Variants in SGIP1 observed in about 807,000 individuals in gnomAD.
SGIP1 encodes SH3-containing GRB2-like protein 3-interacting protein 1.
Under a neutral mutation model 107.5 loss-of-function variants are expected in SGIP1, and 38 were observed. The ratio of observed to expected loss-of-function variants is 0.35; its 90% CI spans 0.27 to 0.46. SGIP1 has a LOEUF of 0.46. Ranked by LOEUF, SGIP1 falls within the 20% of genes least tolerant of loss-of-function variation. SGIP1 has a pLI of 1.00. For synonymous variants in SGIP1, 365 were observed against 366.1 expected (o/e 1.00, Z 0.03); for missense variants, 929 against 1,019.5 (o/e 0.91, Z 1.21).
At chr1:66,574,682 C>T (rs1347054538) in intron 1 of SGIP1, among the ~76,000 whole-genome samples, 5 of 152,160 alleles carry the variant, frequency 3.3e-5, no homozygotes, top group Non-Finnish European at 5.9e-5. Flanking sequence ...TTCCCCTTCT[C>T]GGAACATTCA....
Position 66,643,796 on chromosome 1 carries a change from A to G in SGIP1, c.459+77A>G, listed in dbSNP as rs17129244. The G allele has an allele frequency of 0.14, 179,103 of 1,320,506 alleles. 12,479 individuals carry two copies. The highest frequency in any genetic ancestry group is 0.16 in the East Asian group (5,785 of 36,760). The allele number at this position is 1,320,506 out of a possible 1,614,324, so 81.8% of individuals were successfully genotyped here. A position where few individuals can be genotyped will look rare whatever the true frequency, so the allele number is the denominator to read the frequency against. On this transcript the variant is annotated intron_variant, in intron 7 of 24. Transcript: ENST00000371037. ...TGTTCTGCCTATATGCATTAAGTCA[A>G]TCAGAAACTCCTTAAATTGAAGCCT...
chr1:66,576,726 G>C (rs2061119885), intron 1 of SGIP1, among the ~76,000 whole-genome samples: 1 of 151,892 alleles, frequency 6.6e-6, no homozygotes, highest in South Asian at 2.1e-4. Flanking sequence ...TCTTTTTCCT[G>C]ATCCCTCCTC....
chr1:66,635,356 G>A (rs973293970), intron 3 of SGIP1, among the ~76,000 whole-genome samples: 1 of 152,180 alleles, frequency 6.6e-6, no homozygotes, highest in African/African-American at 2.4e-5. Context: ...ATTTATGCAG[G>A]GCAAACTAAC....
At chr1:66,658,782 G>A (rs555096134) in intron 7 of SGIP1, among the ~76,000 whole-genome samples, 3 of 152,268 alleles carry the variant, frequency 2.0e-5, no homozygotes, top group Non-Finnish European at 2.9e-5. Flanking sequence ...CCAATAGAAA[G>A]GCCTTCAATA....
At chr1:66,730,572 C>T (rs949668954) in intron 20 of SGIP1, among the ~76,000 whole-genome samples, 7 of 152,152 alleles carry the variant, frequency 4.6e-5, no homozygotes, top group African/African-American at 1.4e-4. Context: ...TGAATCCAAT[C>T]TTGCCCCTCT....
intron 1 of SGIP1, among the ~76,000 whole-genome samples, chr1:66,576,684 T>TTTCTTTTC (rs1450464493): frequency 2.0e-5 from 3 of 152,194 alleles, no homozygotes; most frequent in Non-Finnish European, 4.4e-5. Context: ...ATTTACAGTG[T>TTTCTTTTC]TTCTTTTCTT....
chr1:66,558,951 C>G (rs1029849688), intron 1 of SGIP1, among the ~76,000 whole-genome samples: 1 of 151,870 alleles, frequency 6.6e-6, no homozygotes, highest in Non-Finnish European at 1.5e-5. Context: ...AGGAGGGAAC[C>G]CAGAGAAGGG....
At chr1:66,598,091 A>T (rs2065072057) in intron 1 of SGIP1, among the ~76,000 whole-genome samples, 1 of 152,192 alleles carries the variant, frequency 6.6e-6, no homozygotes, top group Non-Finnish European at 1.5e-5. Flanking sequence ...CAACAATTAA[A>T]GTAGCAACCT....
rs199919743 is a variant in SGIP1, at chr1:66,672,000, G to T, written c.560+5G>T. On this transcript the variant is annotated splice_donor_5th_base_variant and intron_variant, in intron 11 of 24. Coordinates refer to ENST00000371037, the MANE Select transcript of SGIP1 (RefSeq NM_032291.4). ...ACCAACTCCAGAACTTATAAGGTGAGTGTGAAAGACATTAGTTGTGTTTTA... is the reference window on the plus strand; with the variant it reads ...ACCAACTCCAGAACTTATAAGGTGATTGTGAAAGACATTAGTTGTGTTTTA... 6.2e-7 allele frequency: 1 copy of T among 1,613,822 alleles called. No individual in the cohort carries two copies. Among genetic ancestry groups the T allele is most frequent in the African/African-American group, 1.3e-5 (1 of 75,052 alleles).
intron 18 of SGIP1, among the ~76,000 whole-genome samples, chr1:66,718,565 C>G (rs181035073): frequency 1.3e-5 from 2 of 152,218 alleles, no homozygotes; most frequent in East Asian, 3.9e-4. Flanking sequence ...ACCTATCCCA[C>G]AGGGCTGATG....
At chr1:66,703,542 CAT>C (rs887903635) in intron 18 of SGIP1, among the ~76,000 whole-genome samples, 31 of 151,110 alleles carry the variant, frequency 2.1e-4, no homozygotes, top group African/African-American at 6.8e-4. Context: ...CACACACACA[CAT>C]ATAGAGATAA....
At chr1:66,669,870 G>A (rs941841730) in intron 9 of SGIP1, among the ~76,000 whole-genome samples, 4 of 152,172 alleles carry the variant, frequency 2.6e-5, no homozygotes, top group African/African-American at 9.7e-5. Context: ...CCTTAGGAAC[G>A]AGGGAAAGAA....
intron 1 of SGIP1, among the ~76,000 whole-genome samples, chr1:66,547,999 C>T (rs1253518007): frequency 1.3e-5 from 2 of 151,966 alleles, no homozygotes; most frequent in African/African-American, 4.8e-5. Flanking sequence ...GCCAGCATGG[C>T]CAGAGACCAG....
intron 1 of SGIP1, among the ~76,000 whole-genome samples, chr1:66,596,480 A>C (rs1173650109): frequency 6.6e-6 from 1 of 152,150 alleles, no homozygotes; most frequent in African/African-American, 2.4e-5. Context: ...TGGGCACAAC[A>C]GTGTAGAAAA....
At chr1:66,559,069 C>T (rs1396176058) in intron 1 of SGIP1, among the ~76,000 whole-genome samples, 1 of 152,020 alleles carries the variant, frequency 6.6e-6, no homozygotes, top group South Asian at 2.1e-4. Context: ...TTAGGAACCC[C>T]GTACTGCTGG....
At chr1:66,671,842 T>C in intron 10 of SGIP1, 102 bp from the exon 11 acceptor site, 1 of 1,098,714 alleles carries the variant, frequency 9.1e-7, no homozygotes, top group South Asian at 1.4e-5. Flanking sequence ...GAGTTGCTTA[T>C]TGATGGGACT....
At chr1:66,670,431 T>A (rs1209313300) in intron 9 of SGIP1, among the ~76,000 whole-genome samples, 1 of 152,196 alleles carries the variant, frequency 6.6e-6, no homozygotes, top group Non-Finnish European at 1.5e-5. Context: ...ATTGGGAGGA[T>A]GAGTGCATAG....
At chr1:66,702,846 C>G (rs768796034) in intron 18 of SGIP1, among the ~76,000 whole-genome samples, 8 of 152,142 alleles carry the variant, frequency 5.3e-5, no homozygotes, top group Non-Finnish European at 7.4e-5. Context: ...AAGATTGAAG[C>G]CTTTCACTCC....
In SGIP1 at chr1:66,718,918, G is replaced by A. The variant is rs927625239; in HGVS notation, c.1631-376G>A. On this transcript the variant is annotated intron_variant, in intron 18 of 24. Coordinates refer to ENST00000371037, the MANE Select transcript of SGIP1 (RefSeq NM_032291.4). ...ATGTTTTGAGTATGGGCAATTGATT[G>A]GAATGAATGCTCAAATAGGAAACTA... is the stretch of plus-strand genomic sequence containing the variant. Among the ~76,000 whole-genome samples, 9 of 152,186 alleles carry A rather than the reference G, an allele frequency of 5.9e-5. No homozygotes were observed. In the South Asian group the frequency reaches 1.0e-3, roughly 18 times the overall value.
Sources: allele counts gnomAD v4.1 joint callset (sites outside exome capture counted in the v4.1 genomes callset), GRCh38; gene constraint gnomAD v4.1.1; transcripts MANE v1.5; gene names NCBI Gene and HGNC (gene_info 2026-07-23, HGNC 2026-07-21).